SOCS5: variants seen among roughly 807,000 people sequenced by gnomAD.
SOCS5 encodes suppressor of cytokine signaling 5, also known as CIS-6.
SOCS5 carries 32 observed loss-of-function variants against 42.8 expected under a neutral mutation model. The ratio of observed to expected loss-of-function variants is 0.75; its 90% CI spans 0.56 to 1.01. The LOEUF is 1.01. SOCS5 is among the 50% of genes least tolerant of loss of function. SOCS5 has a pLI of 0.00. For synonymous variants in SOCS5, 283 were observed against 229.6 expected (o/e 1.23, Z -2.10); for missense variants, 627 against 653.0 (o/e 0.96, Z 0.43).
chr2:46,731,119 C>G (rs887031275), intron 1 of SOCS5, among the ~76,000 whole-genome samples: 1 of 152,204 alleles, frequency 6.6e-6, no homozygotes, highest in Non-Finnish European at 1.5e-5. Flanking sequence ...GTGGAAAGGG[C>G]TGCTGTAGAC....
At chr2:46,726,781 A>G (rs1368373923) in intron 1 of SOCS5, among the ~76,000 whole-genome samples, 1 of 149,336 alleles carries the variant, frequency 6.7e-6, no homozygotes, top group Non-Finnish European at 1.5e-5. Context: ...TTTGCAATGG[A>G]GTTTCGCTCT....
chr2:46,734,673 A>AT (rs959177998), intron 1 of SOCS5, among the ~76,000 whole-genome samples: 32 of 150,632 alleles, frequency 2.1e-4, no homozygotes, highest in Admixed American at 8.6e-4. Context: ...CAGAAATAAG[A>AT]TTTTTTTTTT....
chr2:46,750,938 G>A (rs1477140746), intron 1 of SOCS5, among the ~76,000 whole-genome samples: 1 of 152,020 alleles, frequency 6.6e-6, no homozygotes, highest in Admixed American at 6.6e-5. Flanking sequence ...TTCAAAATAT[G>A]GATATGATGT....
At chr2:46,746,667 T>C (rs532841727) in intron 1 of SOCS5, among the ~76,000 whole-genome samples, 1 of 151,698 alleles carries the variant, frequency 6.6e-6, no homozygotes, top group East Asian at 1.9e-4. Context: ...AAAGATCCCA[T>C]CAGCCTGTCT....
intron 1 of SOCS5, among the ~76,000 whole-genome samples, chr2:46,748,071 T>C (rs748768289): frequency 2.0e-5 from 3 of 152,192 alleles, no homozygotes; most frequent in Non-Finnish European, 4.4e-5. Context: ...TCTACATTTG[T>C]TTTCTTACGT....
chr2:46,705,211 A>AG (rs943015614), intron 1 of SOCS5, among the ~76,000 whole-genome samples: 9 of 152,208 alleles, frequency 5.9e-5, no homozygotes, highest in African/African-American at 2.2e-4. Context: ...ACTCAAGGAG[A>AG]GGGCTGTAGG....
At position 46,699,661 on chromosome 2, in the gene SOCS5, G is replaced by T. The variant is rs1435670154; in HGVS notation, c.-13+212G>T. Among the ~76,000 whole-genome samples, 1 of 152,176 alleles carries T rather than the reference G, an allele frequency of 6.6e-6. No homozygotes were observed. The highest frequency in any genetic ancestry group is 2.4e-5 in the African/African-American group (1 of 41,464). On this transcript the variant is annotated intron_variant, in intron 1 of 1. Transcript: ENST00000394861. The surrounding 1 kb of genome is among the most constrained non-coding windows in gnomAD (Gnocchi z 4.8). ...TAGCCCGGGCCGCGAGCCCCGTGCA[G>T]ACCACGCCGCTCACAGTGGGAGCTT...
In SOCS5 at chr2:46,758,602, A is replaced by T; in HGVS notation, c.72A>T (p.Gly24=). 1 of 1,613,794 alleles carries T rather than the reference A, an allele frequency of 6.2e-7. No homozygotes were observed. The highest frequency in any genetic ancestry group is 1.1e-5 in the South Asian group (1 of 91,072). ...AGAATCTCTTCGGTCATGAGGGAGGAAGCCGTAGTGAAAATGTGGACATGA... is the reference window on the plus strand; with the variant it reads ...AGAATCTCTTCGGTCATGAGGGAGGTAGCCGTAGTGAAAATGTGGACATGA... ...RCQNLFGHEG[G]SRSENVDMNS... Residue 24 remains glycine, a synonymous_variant, in exon 2 of 2, where the codon GGA becomes GGT. Transcript: ENST00000394861.
chr2:46,759,323 A>G lies in SOCS5; in HGVS notation c.793A>G (p.Arg265Gly). 6.2e-7 allele frequency: 1 copy of G among 1,613,968 alleles called. No individual in the cohort carries two copies. Among genetic ancestry groups the G allele is most frequent in the Non-Finnish European group, 8.5e-7 (1 of 1,179,812 alleles). The change falls in exon 2 of 2, where the codon AGA becomes GGA. Residue 265 changes from arginine (R) to glycine (G), a missense_variant. Arg to Gly is a moderately radical substitution (Grantham distance 125). This residue lies in a region of SOCS5 where 340 missense variants were observed against 367.6 expected (regional missense o/e 0.92). Transcript: ENST00000394861. The part of the protein sequence containing the change: ...VSTEDEEDRL[R>G]ERRRLSIEEG... Reference sequence around the variant, plus strand: ...TACAGAAGATGAAGAAGATAGGCTTAGAGAGAGAAGGCGGCTTAGTATTGA... The same window carrying G: ...TACAGAAGATGAAGAAGATAGGCTTGGAGAGAGAAGGCGGCTTAGTATTGA...
At position 46,710,985 on chromosome 2, in the gene SOCS5, A is replaced by G. The variant is rs545415080; in HGVS notation, c.-13+11536A>G. Among the ~76,000 whole-genome samples, 11 of 152,258 alleles carry G rather than the reference A, an allele frequency of 7.2e-5. No individual in the cohort carries two copies. The South Asian group carries it at 1.5e-3, about 20-fold the overall frequency. On this transcript the variant is annotated intron_variant, in intron 1 of 1. Transcript: ENST00000394861. ...GCTTCTTTTTATCAGCATGTTTTTG[A>G]GGTTCATCCATGTTACATATAAGAA...
At chr2:46,702,147 A>C (rs559397299) in intron 1 of SOCS5, among the ~76,000 whole-genome samples, 1 of 152,228 alleles carries the variant, frequency 6.6e-6, no homozygotes, top group South Asian at 2.1e-4. Flanking sequence ...AACTGTGCCT[A>C]CCTACTACAT....
intron 1 of SOCS5, among the ~76,000 whole-genome samples, chr2:46,753,466 C>T (rs1191277060): frequency 6.6e-6 from 1 of 152,088 alleles, no homozygotes; most frequent in African/African-American, 2.4e-5. Flanking sequence ...GTAGTTTATT[C>T]TAATTTTAAG....
chr2:46,728,348 C>T (rs1267407066), intron 1 of SOCS5, among the ~76,000 whole-genome samples: 1 of 152,148 alleles, frequency 6.6e-6, no homozygotes, highest in Non-Finnish European at 1.5e-5. Flanking sequence ...TCTTGGTTTG[C>T]ATTGAAGCAA....
At chr2:46,752,914 A>G (rs1259198742) in intron 1 of SOCS5, among the ~76,000 whole-genome samples, 3 of 152,140 alleles carry the variant, frequency 2.0e-5, no homozygotes, top group Non-Finnish European at 2.9e-5. Context: ...CCCATTTTCA[A>G]TTGATCTTCA....
chr2:46,739,426 T>C (rs769515629), intron 1 of SOCS5, among the ~76,000 whole-genome samples: 16 of 152,254 alleles, frequency 1.1e-4, no homozygotes, highest in Non-Finnish European at 2.1e-4. Flanking sequence ...TACTGCTTTC[T>C]GCTTTCTTTG....
intron 1 of SOCS5, among the ~76,000 whole-genome samples, chr2:46,715,695 A>G (rs1167915935): frequency 2.0e-5 from 3 of 152,158 alleles, no homozygotes; most frequent in Non-Finnish European, 4.4e-5. Context: ...TTCTCTGTAT[A>G]TAATATGTTT....
At chr2:46,746,813 G>T (rs77517745) in intron 1 of SOCS5, among the ~76,000 whole-genome samples, 10,155 of 150,078 alleles carry the variant, frequency 0.068, 371 homozygotes, top group Middle Eastern at 0.14. Flanking sequence ...AACTCACTTA[G>T]TTTACTTTTC....
At chr2:46,755,878 C>T (rs1000351133) in intron 1 of SOCS5, among the ~76,000 whole-genome samples, 2 of 152,158 alleles carry the variant, frequency 1.3e-5, no homozygotes, top group African/African-American at 4.8e-5. Flanking sequence ...CTGTGAATTA[C>T]TGTCCGTATT....
intron 1 of SOCS5, among the ~76,000 whole-genome samples, chr2:46,710,766 G>C (rs941933152): frequency 6.6e-6 from 1 of 152,190 alleles, no homozygotes; most frequent in Admixed American, 6.5e-5. Context: ...GATTAGTTTT[G>C]ACAATTAATA....
Sources: allele counts gnomAD v4.1 joint callset (sites outside exome capture counted in the v4.1 genomes callset), GRCh38; gene constraint gnomAD v4.1.1; regional missense constraint gnomAD v4.1.1; non-coding constraint Gnocchi (gnomAD v3.1); transcripts MANE v1.5; gene names NCBI Gene and HGNC (gene_info 2026-07-23, HGNC 2026-07-21).